The following CCDC191 variants were observed in gnomAD, a reference collection of about 807,000 sequenced individuals.
CCDC191 encodes coiled-coil domain containing 191, also known as coiled-coil domain-containing protein 191.
CCDC191 carries 99 observed loss-of-function variants against 114.0 expected under a neutral mutation model. That is an observed-to-expected ratio of 0.87 (90% CI 0.74 to 1.03). CCDC191 has a LOEUF of 1.03. Among genes scored for constraint, CCDC191 ranks in the 50% least tolerant of loss-of-function variants. CCDC191 has a pLI of 0.00. For missense variants in CCDC191, 973 were observed against 1,087.0 expected, an observed-to-expected ratio of 0.90 and a Z score of 1.47; for synonymous variants, 351 against 376.0, an observed-to-expected ratio of 0.93 and a Z score of 0.77.
At chr3:113,966,694 C>T (rs1940209906) in intron 16 of CCDC191, among the ~76,000 whole-genome samples, 1 of 152,076 alleles carries the variant, frequency 6.6e-6, no homozygotes, top group African/African-American at 2.4e-5. Context: ...TTTGTTCTGG[C>T]CTCTTGACCA....
intron 16 of CCDC191, 56 bp from the exon 17 acceptor site, chr3:113,965,415 C>G (rs1450677877): frequency 1.5e-5 from 15 of 989,016 alleles, no homozygotes; most frequent in Non-Finnish European, 2.1e-5. Flanking sequence ...GGCTTTCCAT[C>G]TATAGCACAT....
At chr3:114,033,305 T>G (rs1009843174) in intron 6 of CCDC191, among the ~76,000 whole-genome samples, 24 of 152,168 alleles carry the variant, frequency 1.6e-4, no homozygotes, top group Admixed American at 4.6e-4. Context: ...CAGTCCTGTT[T>G]CATTGTACAG....
intron 13 of CCDC191, among the ~76,000 whole-genome samples, chr3:113,990,752 T>C (rs1005174475): frequency 3.3e-5 from 5 of 151,528 alleles, no homozygotes; most frequent in Admixed American, 2.6e-4. Flanking sequence ...ACTTCCCCCA[T>C]TTTATGAGGC....
intron 6 of CCDC191, among the ~76,000 whole-genome samples, chr3:114,032,214 A>C (rs189664788): frequency 6.6e-6 from 1 of 152,344 alleles, no homozygotes; most frequent in Non-Finnish European, 1.5e-5. Context: ...GAATAACAAA[A>C]GAATCAGGTG....
chr3:114,013,800 G>A (rs535948544), intron 8 of CCDC191, among the ~76,000 whole-genome samples: 1 of 152,292 alleles, frequency 6.6e-6, no homozygotes, highest in South Asian at 2.1e-4. Context: ...GATACTGGGT[G>A]ACTGGTGCAT....
chr3:113,985,860 C>G (rs565045875), intron 13 of CCDC191, among the ~76,000 whole-genome samples: 25 of 152,212 alleles, frequency 1.6e-4, no homozygotes, highest in Non-Finnish European at 2.9e-4. Flanking sequence ...CAAATCTCCA[C>G]ACTCTAGGCC....
chr3:114,004,809 C>T (rs1250735457), intron 10 of CCDC191, 63 bp from the exon 11 acceptor site: 1 of 1,545,890 alleles, frequency 6.5e-7, no homozygotes, highest in Non-Finnish European at 8.7e-7. Flanking sequence ...ACTCCTTTGA[C>T]CTGAGATGCT....
chr3:114,031,585 A>G (rs2076404686), intron 7 of CCDC191, 41 bp downstream of exon 7: 1 of 1,530,256 alleles, frequency 6.5e-7, no homozygotes, highest in South Asian at 1.1e-5. Context: ...TTTGTCATTT[A>G]TACTACAGAA....
chr3:113,990,662 A>C (rs1020954080), intron 13 of CCDC191, among the ~76,000 whole-genome samples: 12 of 151,620 alleles, frequency 7.9e-5, no homozygotes, highest in Admixed American at 3.9e-4. Context: ...CAGTGGTTTC[A>C]CCAGTGAATT....
intron 8 of CCDC191, among the ~76,000 whole-genome samples, chr3:114,016,090 A>C (rs1559911397): frequency 6.6e-6 from 1 of 152,264 alleles, no homozygotes; most frequent in African/African-American, 2.4e-5. Flanking sequence ...TGGCAAACAC[A>C]CACGTCAGCG....
rs140669590 is a variant in CCDC191 at position 113,974,560 on chromosome 3, T to G, written c.2606+3626A>C. 1.1e-3 allele frequency among the ~76,000 whole-genome samples: 171 copies of G among 152,276 alleles called. 3 individuals carry two copies. In the East Asian group the frequency reaches 0.031, roughly 28 times the overall value. On this transcript the variant is annotated intron_variant, in intron 16 of 16. Transcript: ENST00000295878. ...GTGTCGAATTCCTCACCTCAGGTGA[T>G]CTGCCCACCTTGGCCTCCCAAAGTG...
At chr3:114,047,704 G>T (rs2076648305) in intron 2 of CCDC191, among the ~76,000 whole-genome samples, 1 of 152,002 alleles carries the variant, frequency 6.6e-6, no homozygotes, top group Non-Finnish European at 1.5e-5. Flanking sequence ...AGCTGGGCAC[G>T]GTGGCTCATG....
intron 16 of CCDC191, among the ~76,000 whole-genome samples, chr3:113,973,538 TC>T (rs1315585642): frequency 6.6e-6 from 1 of 152,106 alleles, no homozygotes; most frequent in Non-Finnish European, 1.5e-5. Flanking sequence ...AGAAAAACTT[TC>T]TCTATCCTTC....
chr3:113,978,261 G>A lies in CCDC191; in HGVS notation c.2531C>T (p.Ala844Val). Residue 844 changes from alanine (A) to valine (V), a missense_variant, in exon 16 of 17, where the codon GCC becomes GTC. By Grantham distance (64) the Ala-to-Val change is moderately conservative. Transcript: ENST00000295878. ...VHFLQKKIFRAWFNMVREVKI... is the reference protein window; with the variant it reads ...VHFLQKKIFRVWFNMVREVKI... ...CACCTCCCTGACCATGTTAAACCAG[G>A]CCCTGAAAATCTTCTTTTGAAGAAA... 1 of 1,613,894 alleles carries A rather than the reference G, an allele frequency of 6.2e-7. No homozygotes were observed. Among genetic ancestry groups the A allele is most frequent in the Non-Finnish European group, 8.5e-7 (1 of 1,179,906 alleles).
At chr3:114,049,855 T>C (rs918515242) in intron 2 of CCDC191, among the ~76,000 whole-genome samples, 1 of 152,232 alleles carries the variant, frequency 6.6e-6, no homozygotes, top group Non-Finnish European at 1.5e-5. Flanking sequence ...AGCTACCCTA[T>C]ATTTAAGTAA....
At chr3:114,019,410 C>G (rs1024659527) in intron 7 of CCDC191, among the ~76,000 whole-genome samples, 1 of 152,128 alleles carries the variant, frequency 6.6e-6, no homozygotes, top group Non-Finnish European at 1.5e-5. Flanking sequence ...TTTGGTGAGT[C>G]TAGAAAGACT....
chr3:114,011,157 T>C, intron 8 of CCDC191, 136 bp from the exon 9 acceptor site: 1 of 976,648 alleles, frequency 1.0e-6, no homozygotes, highest in Non-Finnish European at 1.5e-6. Flanking sequence ...TATATTAAGC[T>C]AAATGAAATT....
chr3:114,007,398 T>A (rs1466843789), intron 9 of CCDC191, among the ~76,000 whole-genome samples: 1 of 152,190 alleles, frequency 6.6e-6, no homozygotes, highest in Non-Finnish European at 1.5e-5. Context: ...TCAACTGAAA[T>A]GAAAGATGTG....
chr3:114,016,885 T>C (rs2076166767), intron 8 of CCDC191, among the ~76,000 whole-genome samples: 1 of 152,164 alleles, frequency 6.6e-6, no homozygotes, highest in Non-Finnish European at 1.5e-5. Context: ...CCTGTTTCCC[T>C]TCTTTATCCA....
Sources: gnomAD v4.1 joint callset for allele counts (sites outside exome capture counted in the v4.1 genomes callset) on GRCh38, gnomAD v4.1.1 for gene constraint, MANE v1.5 for transcripts, NCBI Gene and HGNC (gene_info 2026-07-23, HGNC 2026-07-21) for gene names.